The following RAB11FIP4 variants were observed in gnomAD, a reference collection of about 807,000 sequenced individuals.
RAB11FIP4 encodes rab11 family-interacting protein 4.
A neutral mutation model predicts 74.3 loss-of-function variants in RAB11FIP4; 23 were observed. That is an observed-to-expected ratio of 0.31 (90% CI 0.22 to 0.44). The LOEUF is 0.44. Among genes scored for constraint, RAB11FIP4 ranks in the 20% least tolerant of loss-of-function variants. The pLI is 1.00. For synonymous variants in RAB11FIP4, 360 were observed against 359.9 expected (o/e 1.00, Z 0.00); for missense variants, 630 against 863.9 (o/e 0.73, Z 3.39).
chr17:31,441,991 G>A (rs1300739214), intron 3 of RAB11FIP4, among the ~76,000 whole-genome samples: 2 of 151,566 alleles, frequency 1.3e-5, no homozygotes, highest in African/African-American at 2.4e-5. Context: ...CTTATTGTTG[G>A]GCGTATATAC....
At chr17:31,451,296 T>A (rs1318879362) in intron 3 of RAB11FIP4, among the ~76,000 whole-genome samples, 8 of 151,632 alleles carry the variant, frequency 5.3e-5, no homozygotes, top group Non-Finnish European at 7.4e-5. Context: ...CCGTCTCTAC[T>A]AAGAATACAA....
Position 31,434,079 on chromosome 17 carries a change from G to T in RAB11FIP4, c.293G>T (p.Gly98Val). 1 of 1,586,948 alleles carries T rather than the reference G, an allele frequency of 6.3e-7. No individual in the cohort carries two copies. Among genetic ancestry groups the T allele is most frequent in the South Asian group, 1.1e-5 (1 of 87,414 alleles). The stretch of plus-strand genomic sequence containing the variant: ...GATGTGCTGTCGGTGGAGAGCGCGG[G>T]GACGCTGCCGTGCGCGCCAGAGATC... ...LKDVLSVESA[G>V]TLPCAPEIPD... The change falls in exon 3 of 15, where the codon GGG becomes GTG. Residue 98 changes from glycine to valine, a missense_variant. Physicochemically the swap from Gly to Val is moderately radical, Grantham distance 109 (BLOSUM62 -3). Coordinates refer to ENST00000621161, the MANE Select transcript of RAB11FIP4 (RefSeq NM_032932.6).
chr17:31,413,639 G>C (rs187078460), intron 1 of RAB11FIP4, among the ~76,000 whole-genome samples: 2 of 152,110 alleles, frequency 1.3e-5, no homozygotes, highest in East Asian at 3.9e-4. Flanking sequence ...TGCTGTGTCA[G>C]TTCTTCCACC....
chr17:31,400,067 T>C (rs1160748556), intron 1 of RAB11FIP4, among the ~76,000 whole-genome samples: 1 of 151,616 alleles, frequency 6.6e-6, no homozygotes, highest in African/African-American at 2.4e-5. Flanking sequence ...GCCATTTTAT[T>C]CCATTAACAT....
At chr17:31,448,803 C>T (rs1210623537) in intron 3 of RAB11FIP4, among the ~76,000 whole-genome samples, 2 of 152,084 alleles carry the variant, frequency 1.3e-5, no homozygotes, top group Non-Finnish European at 2.9e-5. Flanking sequence ...CCAGGTTGCT[C>T]AGAATCCTGG....
intron 3 of RAB11FIP4, among the ~76,000 whole-genome samples, chr17:31,435,966 G>A (rs1263299366): frequency 1.3e-5 from 2 of 152,360 alleles, no homozygotes; most frequent in African/African-American, 2.4e-5. Flanking sequence ...CAGCAAGCAG[G>A]GGTTGAATAT....
chr17:31,512,832 G>A lies in RAB11FIP4; in HGVS notation c.337-4819G>A, dbSNP rs893922445. Among the ~76,000 whole-genome samples the A allele has an allele frequency of 6.6e-6, 1 of 152,150 alleles. No individual in the cohort carries two copies. The highest frequency in any genetic ancestry group is 1.5e-5 in the Non-Finnish European group (1 of 68,032). On this transcript the variant is annotated intron_variant, in intron 3 of 14. Coordinates refer to ENST00000621161, the MANE Select transcript of RAB11FIP4 (RefSeq NM_032932.6). The surrounding 1 kb of genome is among the most constrained non-coding windows in gnomAD (Gnocchi z 4.1). ...GTCCCTGGGTGGTGACTGGACGGCC[G>A]TGTGTGGACTCCTTTTTCACACAGC...
intron 3 of RAB11FIP4, among the ~76,000 whole-genome samples, chr17:31,447,151 G>A (rs2071474393): frequency 6.6e-6 from 1 of 152,252 alleles, no homozygotes; most frequent in Non-Finnish European, 1.5e-5. Context: ...GGGCGTGGTG[G>A]TGGGCGCCTG....
In RAB11FIP4 at chr17:31,522,357, T is replaced by C. The variant is rs2072684179; in HGVS notation, c.894-3T>C. ...TCAATGACTGTTTCCTTTCTCTCTC[T>C]AGCCCCAACCGAAAGATCTCCAGCA... On this transcript the variant is annotated splice_polypyrimidine_tract_variant and splice_region_variant and intron_variant, in intron 6 of 14. Transcript: ENST00000621161. The C allele has an allele frequency of 6.2e-7, 1 of 1,613,948 alleles. No homozygotes were observed. The highest frequency in any genetic ancestry group is 8.5e-7 in the Non-Finnish European group (1 of 1,179,890).
At chr17:31,404,508 G>A (rs1835041529) in intron 1 of RAB11FIP4, among the ~76,000 whole-genome samples, 1 of 152,240 alleles carries the variant, frequency 6.6e-6, no homozygotes, top group Non-Finnish European at 1.5e-5. Context: ...CTCCTCATCT[G>A]TATAGTGGGG....
rs544319131 is a variant in RAB11FIP4, at chr17:31,515,128, TG to T, written c.337-2520del. Among the ~76,000 whole-genome samples the T allele has an allele frequency of 2.8e-3, 425 of 152,050 alleles. 2 individuals carry two copies. Among genetic ancestry groups the T allele is most frequent in the African/African-American group, 9.5e-3 (396 of 41,484 alleles). On this transcript the variant is annotated intron_variant, in intron 3 of 14. Transcript: ENST00000621161. ...CTGAAGAGCTGTCATGAAGCACAGG[TG>T]GGATAATATGTGAATGCCCAGCTCG...
At chr17:31,454,533 C>T (rs1048733714) in intron 3 of RAB11FIP4, among the ~76,000 whole-genome samples, 1 of 152,034 alleles carries the variant, frequency 6.6e-6, no homozygotes, top group African/African-American at 2.4e-5. Flanking sequence ...CTTAGCCTCC[C>T]AAAGCACTGG....
chr17:31,500,248 A>G (rs2072192387), intron 3 of RAB11FIP4, among the ~76,000 whole-genome samples: 1 of 152,140 alleles, frequency 6.6e-6, no homozygotes, highest in African/African-American at 2.4e-5. Flanking sequence ...GTTACAAACC[A>G]GCTCTAGACC....
In RAB11FIP4 at chr17:31,524,011, G is replaced by A. The variant is rs778005038; in HGVS notation, c.1133+15G>A. 17 of 1,586,298 alleles carry A rather than the reference G, an allele frequency of 1.1e-5. No individual in the cohort carries two copies. Among genetic ancestry groups the A allele is most frequent in the African/African-American group, 9.4e-5 (7 of 74,456 alleles). ...CTGGTGCACAGGTCAAGCAGGCAGC[G>A]GCGCTGGGGGCTCGGCCGTGACGCT... On this transcript the variant is annotated intron_variant, in intron 9 of 14. Transcript: ENST00000621161.
At chr17:31,530,235 C>T in intron 13 of RAB11FIP4, 91 bp from the exon 14 acceptor site, 1 of 1,505,716 alleles carries the variant, frequency 6.6e-7, no homozygotes. Context: ...GCGCTGGCGG[C>T]AGGTCGGGGA....
chr17:31,429,914 A>T lies in RAB11FIP4; in HGVS notation c.160-1899A>T, dbSNP rs114287339. 5.6e-3 allele frequency among the ~76,000 whole-genome samples: 847 copies of T among 152,120 alleles called. 7 individuals carry two copies. The highest frequency in any genetic ancestry group is 0.027 in the Middle Eastern group (8 of 292). ...GGCTGTCCTGATCCCGTGTACCTGAATTGCAATTCTTTGTTTCCCAAATAA... is the reference window on the plus strand; with the variant it reads ...GGCTGTCCTGATCCCGTGTACCTGATTTGCAATTCTTTGTTTCCCAAATAA... On this transcript the variant is annotated intron_variant, in intron 1 of 14. Transcript: ENST00000621161.
intron 3 of RAB11FIP4, among the ~76,000 whole-genome samples, chr17:31,468,186 G>A (rs932685273): frequency 6.6e-6 from 1 of 152,122 alleles, no homozygotes; most frequent in East Asian, 1.9e-4. Flanking sequence ...TAGGGCTCTG[G>A]GCTGTGAACT....
At chr17:31,487,932 G>T in intron 3 of RAB11FIP4, 3 of 608,112 alleles carry the variant, frequency 4.9e-6, no homozygotes, top group Non-Finnish European at 6.2e-6. Flanking sequence ...CCCGCGGCTC[G>T]GGTTCCGGGG....
rs1213382436 is a variant in RAB11FIP4, at chr17:31,448,392, A to ATTTTTTTTTTTTTTTTTTTTTTTT, written c.336+14289_336+14290insTTTTTTTTTTTTTTTTTTTTTTTT. The ATTTTTTTTTTTTTTTTTTTTTTTT allele has an allele frequency of 2.3e-4, 18 of 79,802 alleles. 7 individuals are homozygous for ATTTTTTTTTTTTTTTTTTTTTTTT. Among genetic ancestry groups the ATTTTTTTTTTTTTTTTTTTTTTTT allele is most frequent in the African/African-American group, 1.0e-3 (17 of 17,016 alleles). 4.9% of individuals were successfully genotyped at this position (79,802 alleles called of 1,614,324 possible). A position where few individuals can be genotyped will look rare whatever the true frequency, so the allele number is the denominator to read the frequency against. ...AGGCTCATACCACCACATCCAGCTA[A>ATTTTTTTTTTTTTTTTTTTTTTTT]TTTTTTTTTTTTTTTTTTTGGCAGA... On this transcript the variant is annotated intron_variant, in intron 3 of 14. Transcript: ENST00000621161.
Sources: allele counts gnomAD v4.1 joint callset (sites outside exome capture counted in the v4.1 genomes callset), GRCh38; gene constraint gnomAD v4.1.1; non-coding constraint Gnocchi (gnomAD v3.1); transcripts MANE v1.5; gene names NCBI Gene and HGNC (gene_info 2026-07-23, HGNC 2026-07-21).